GBP7: variants seen among roughly 807,000 people sequenced by gnomAD.
GBP7 encodes guanylate-binding protein 7.
A neutral mutation model predicts 61.3 loss-of-function variants in GBP7; 43 were observed. That is an observed-to-expected ratio of 0.70 (90% CI 0.55 to 0.91). GBP7 has a LOEUF of 0.91. GBP7 is among the 40% of genes least tolerant of loss of function. The pLI is 0.00. For missense variants in GBP7, 717 were observed against 740.5 expected, an observed-to-expected ratio of 0.97 and a Z score of 0.37; for synonymous variants, 267 against 271.0, an observed-to-expected ratio of 0.99 and a Z score of 0.14.
intron 9 of GBP7, among the ~76,000 whole-genome samples, chr1:89,134,444 T>G (rs1464856551): frequency 6.6e-6 from 1 of 152,182 alleles, no homozygotes; most frequent in Non-Finnish European, 1.5e-5. Flanking sequence ...ATCGGTGTGT[T>G]GTTGCCAGTT....
In GBP7 at chr1:89,150,438, C is replaced by T; in HGVS notation, c.763G>A (p.Asp255Asn). ...LLLHVEEVRE[D>N]QLDSNFQMQS... ...ATCTGGAAATTACTATCCAGTTGGT[C>T]TTCTCGTACTTCTTCAACATGGAGT... The change falls in exon 6 of 11, where the codon GAC (aspartate) becomes AAC (asparagine). Residue 255 changes from aspartate (D) to asparagine (N), a missense_variant. By Grantham distance (23) the Asp-to-Asn change is conservative. Coordinates refer to ENST00000294671, the MANE Select transcript of GBP7 (RefSeq NM_207398.3). 1.2e-6 allele frequency: 2 copies of T among 1,614,038 alleles called. No individual in the cohort carries two copies. The highest frequency in any genetic ancestry group is 1.7e-6 in the Non-Finnish European group (2 of 1,179,928).
Position 89,133,468 on chromosome 1 carries a change from T to G in GBP7, c.1469-17A>C. Reference sequence around the variant, plus strand: ...CCTGCTTAGCTGTTCCACCGAGGTTTTACAGAGGGAAGAAAATAACAGTCA... The same window carrying G: ...CCTGCTTAGCTGTTCCACCGAGGTTGTACAGAGGGAAGAAAATAACAGTCA... On this transcript the variant is annotated splice_polypyrimidine_tract_variant and intron_variant, in intron 9 of 10. Coordinates refer to ENST00000294671, the MANE Select transcript of GBP7 (RefSeq NM_207398.3). The G allele has an allele frequency of 6.2e-7, 1 of 1,610,314 alleles. No individual in the cohort carries two copies. The highest frequency in any genetic ancestry group is 8.5e-7 in the Non-Finnish European group (1 of 1,177,594).
At chr1:89,143,221 T>C (rs1180697608) in intron 8 of GBP7, among the ~76,000 whole-genome samples, 1 of 152,242 alleles carries the variant, frequency 6.6e-6, no homozygotes, top group Non-Finnish European at 1.5e-5. Flanking sequence ...GTCACCTTCT[T>C]TTCATTTTGT....
At chr1:89,163,328 A>G (rs1166845721) in intron 3 of GBP7, among the ~76,000 whole-genome samples, 1 of 151,718 alleles carries the variant, frequency 6.6e-6, no homozygotes, top group Non-Finnish European at 1.5e-5. Context: ...GAATATTTTC[A>G]GTAGGAATGC....
intron 9 of GBP7, among the ~76,000 whole-genome samples, chr1:89,135,929 C>A (rs939733470): frequency 1.3e-5 from 2 of 152,094 alleles, no homozygotes; most frequent in Non-Finnish European, 2.9e-5. Context: ...ATCTCATATG[C>A]AATTACACCA....
Sources: allele counts gnomAD v4.1 joint callset (sites outside exome capture counted in the v4.1 genomes callset), GRCh38; gene constraint gnomAD v4.1.1; transcripts MANE v1.5; gene names NCBI Gene and HGNC (gene_info 2026-07-23, HGNC 2026-07-21).